RTTN: variants seen among roughly 807,000 people sequenced by gnomAD.
RTTN encodes rotatin.
Under a neutral mutation model 269.2 loss-of-function variants are expected in RTTN, and 182 were observed. That is an observed-to-expected ratio of 0.68 (90% CI 0.60 to 0.76). The LOEUF is 0.76. Ranked by LOEUF, RTTN falls within the 30% of genes least tolerant of loss-of-function variation. RTTN has a pLI of 0.00. For missense variants in RTTN, 2,545 were observed against 2,608.6 expected, an observed-to-expected ratio of 0.98 and a Z score of 0.53; for synonymous variants, 1,006 against 963.5, an observed-to-expected ratio of 1.04 and a Z score of -0.82.
intron 14 of RTTN, among the ~76,000 whole-genome samples, chr18:70,160,280 T>C (rs1334285851): frequency 3.3e-5 from 5 of 151,940 alleles, no homozygotes; most frequent in Admixed American, 3.3e-4. Context: ...TGATTCAACA[T>C]ATGCAAATCA....
In RTTN at chr18:70,166,159, A is replaced by G; in HGVS notation, c.1832T>C (p.Leu611Pro). 6.2e-7 allele frequency: 1 copy of G among 1,613,558 alleles called. No individual in the cohort carries two copies. Among genetic ancestry groups the G allele is most frequent in the Non-Finnish European group, 8.5e-7 (1 of 1,179,600 alleles). ...AAGCACCTTCTGACTTTCTCCTTGT[A>G]GTAATGGACTGGCCTGAGCAGATTT... ...IWKSAQASPL[L>P]QGESQKVLLH... Residue 611 changes from leucine to proline, a missense_variant, in exon 14 of 49, where the codon CTA (leucine) becomes CCA (proline). Coordinates refer to ENST00000640769, the MANE Select transcript of RTTN (RefSeq NM_173630.4).
At chr18:70,128,197 A>G in intron 24 of RTTN, 161 bp downstream of exon 24, 2 of 585,934 alleles carry the variant, frequency 3.4e-6, no homozygotes, top group African/African-American at 1.9e-5. Flanking sequence ...AGTAATAAAC[A>G]CATGTAATAT....
chr18:70,193,490 T>C (rs745934411), intron 7 of RTTN, 37 bp from the exon 8 acceptor site: 5 of 1,357,916 alleles, frequency 3.7e-6, no homozygotes, highest in East Asian at 2.6e-5. Context: ...TATTCTTTAG[T>C]AGAAACAGAC....
At chr18:70,083,513 A>C (rs2058625021) in intron 32 of RTTN, among the ~76,000 whole-genome samples, 1 of 152,200 alleles carries the variant, frequency 6.6e-6, no homozygotes, top group African/African-American at 2.4e-5. Flanking sequence ...AATAATGCAA[A>C]TATGGAAAAT....
intron 15 of RTTN, 55 bp from the exon 16 acceptor site, chr18:70,150,142 A>C: frequency 7.1e-6 from 7 of 984,880 alleles, no homozygotes; most frequent in Non-Finnish European, 1.1e-5. Flanking sequence ...CCGCTAGGTC[A>C]CCTGACACAC....
At chr18:70,189,142 GTTC>G (rs939213071) in intron 9 of RTTN, among the ~76,000 whole-genome samples, 16 of 152,268 alleles carry the variant, frequency 1.1e-4, no homozygotes, top group Admixed American at 1.0e-3. Flanking sequence ...GTCTAAGACT[GTTC>G]TTCTCAGCTT....
intron 46 of RTTN, among the ~76,000 whole-genome samples, chr18:70,013,026 C>T (rs2056436785): frequency 6.6e-6 from 1 of 152,160 alleles, no homozygotes; most frequent in Non-Finnish European, 1.5e-5. Flanking sequence ...AAGGCAGGTG[C>T]AGTGATGTTT....
At chr18:70,166,223 G>A (rs2060982772) in intron 13 of RTTN, 35 bp from the exon 14 acceptor site, 1 of 1,608,564 alleles carries the variant, frequency 6.2e-7, no homozygotes, top group East Asian at 2.2e-5. Context: ...GACATGTGAG[G>A]CAAGTAAGTT....
chr18:70,074,777 C>T (rs1453777580), intron 33 of RTTN: 4 of 151,424 alleles, frequency 2.6e-5, no homozygotes, highest in Non-Finnish European at 5.9e-5. Context: ...GTGCTCAGAT[C>T]TTATACTTAG....
At chr18:70,068,399 G>T (rs1366482742) in intron 34 of RTTN, among the ~76,000 whole-genome samples, 2 of 152,148 alleles carry the variant, frequency 1.3e-5, no homozygotes, top group African/African-American at 4.8e-5. Context: ...TTGAGACTAG[G>T]ATTCTCAGTC....
At chr18:70,019,999 G>A (rs2056654859) in intron 45 of RTTN, 1 of 152,150 alleles carries the variant, frequency 6.6e-6, no homozygotes, top group Admixed American at 6.5e-5. Context: ...CAAATTTGAA[G>A]GGATTTTCCC....
intron 11 of RTTN, among the ~76,000 whole-genome samples, chr18:70,170,774 G>C (rs2061119677): frequency 6.6e-6 from 1 of 152,156 alleles, no homozygotes; most frequent in Non-Finnish European, 1.5e-5. Flanking sequence ...AGAGACAGAG[G>C]ACTTTACTGC....
chr18:70,182,635 A>G (rs189414941), intron 10 of RTTN, among the ~76,000 whole-genome samples: 118 of 152,322 alleles, frequency 7.7e-4, no homozygotes, highest in Admixed American at 2.1e-3. Context: ...GAAAGATATT[A>G]AATGACAAAT....
chr18:70,170,694 T>G (rs564903543), intron 11 of RTTN, among the ~76,000 whole-genome samples: 71 of 152,326 alleles, frequency 4.7e-4, no homozygotes, highest in Middle Eastern at 3.4e-3. Context: ...TGAAAGCCAC[T>G]GGAACATTTT....
chr18:70,117,665 A>C (rs562588653), intron 26 of RTTN, among the ~76,000 whole-genome samples: 1 of 152,192 alleles, frequency 6.6e-6, no homozygotes, highest in African/African-American at 2.4e-5. Flanking sequence ...TTTTAATTTC[A>C]TAACTATGAA....
At chr18:70,149,888 A>G (rs1353667114) in intron 16 of RTTN, 83 bp downstream of exon 16, 1 of 941,262 alleles carries the variant, frequency 1.1e-6, no homozygotes, top group African/African-American at 1.6e-5. Flanking sequence ...ACAACTTGAC[A>G]GTTTAGCTGT....
intron 28 of RTTN, among the ~76,000 whole-genome samples, chr18:70,104,819 C>T (rs2059278530): frequency 6.6e-6 from 1 of 152,128 alleles, no homozygotes; most frequent in East Asian, 1.9e-4. Flanking sequence ...GCAAATGTTA[C>T]AGAACAGCAA....
intron 28 of RTTN, among the ~76,000 whole-genome samples, chr18:70,099,980 G>A (rs2059115141): frequency 3.3e-5 from 5 of 152,198 alleles, no homozygotes; most frequent in Admixed American, 1.3e-4. Context: ...TTTGGTTACT[G>A]TAGCCTTGTA....
chr18:70,082,841 G>T (rs148430901), intron 32 of RTTN, among the ~76,000 whole-genome samples: 71 of 151,988 alleles, frequency 4.7e-4, no homozygotes, highest in Non-Finnish European at 8.2e-4. Context: ...ACAGGTGCAT[G>T]CCACCATTCC....
Sources: allele counts gnomAD v4.1 joint callset (sites outside exome capture counted in the v4.1 genomes callset), GRCh38; gene constraint gnomAD v4.1.1; transcripts MANE v1.5; gene names NCBI Gene and HGNC (gene_info 2026-07-23, HGNC 2026-07-21).